The following MDN1 variants were observed in gnomAD, a reference collection of about 807,000 sequenced individuals.
MDN1 encodes midasin AAA ATPase 1, also known as midasin.
MDN1 carries 266 observed loss-of-function variants against 669.2 expected under a neutral mutation model. That is an observed-to-expected ratio of 0.40 (90% CI 0.36 to 0.44). The LOEUF is 0.44. Among genes scored for constraint, MDN1 ranks in the 20% least tolerant of loss-of-function variants. MDN1 has a pLI of 1.00. For synonymous variants in MDN1, 2,385 were observed against 2,457.1 expected (o/e 0.97, Z 0.87); for missense variants, 5,940 against 6,754.0 (o/e 0.88, Z 4.22).
In MDN1 at chr6:89,686,961, C is replaced by T; in HGVS notation, c.11513G>A (p.Trp3838Ter). ...CTCAAGCATCTGATAGATGGAGAAC[C>T]AGTGCTTGGTGGATTTCTCGGTGTG... ...KRHTEKSTKH[W>*]FSIYQMLEKH... The change falls in exon 69 of 102, where the codon TGG becomes TAG. Residue 3838 changes from tryptophan to a stop codon, truncating the protein, a stop_gained. Coordinates refer to ENST00000369393, the MANE Select transcript of MDN1 (RefSeq NM_014611.3). LOFTEE classifies it high-confidence loss of function. The T allele has an allele frequency of 6.2e-7, 1 of 1,613,786 alleles. No individual in the cohort carries two copies.
chr6:89,714,421 A>G, intron 46 of MDN1, 122 bp downstream of exon 46: 1 of 944,124 alleles, frequency 1.1e-6, no homozygotes, highest in Middle Eastern at 3.4e-4. Flanking sequence ...ATTTTTAACA[A>G]GCTTTCCTGA....
chr6:89,735,188 A>G (rs371151788), intron 33 of MDN1, among the ~76,000 whole-genome samples: 31 of 152,002 alleles, frequency 2.0e-4, no homozygotes, highest in African/African-American at 5.5e-4. Context: ...GCACCCGGCC[A>G]ATAGTTTGTT....
chr6:89,707,663 C>T (rs1461185972), intron 51 of MDN1, among the ~76,000 whole-genome samples, 187 bp from the exon 52 acceptor site: 1 of 152,108 alleles, frequency 6.6e-6, no homozygotes, highest in Non-Finnish European at 1.5e-5. Flanking sequence ...AAGGAAAGAT[C>T]GATGGATGGA....
intron 29 of MDN1, 53 bp downstream of exon 29, chr6:89,745,220 T>A (rs1816542079): frequency 1.3e-6 from 2 of 1,570,986 alleles, no homozygotes; most frequent in East Asian, 4.9e-5. Flanking sequence ...ATAACTCAAG[T>A]AATCCTATGG....
At chr6:89,795,347 T>C (rs1584383021) in intron 2 of MDN1, among the ~76,000 whole-genome samples, 1 of 152,168 alleles carries the variant, frequency 6.6e-6, no homozygotes, top group East Asian at 1.9e-4. Flanking sequence ...ACGAGTCAAC[T>C]GAATCTGGGG....
chr6:89,764,367 A>G (rs752875256), intron 15 of MDN1, among the ~76,000 whole-genome samples: 3 of 152,112 alleles, frequency 2.0e-5, no homozygotes, highest in Non-Finnish European at 4.4e-5. Flanking sequence ...GCACTTTGGG[A>G]GGCTAAACAG....
intron 38 of MDN1, 63 bp downstream of exon 38, chr6:89,725,136 C>CATA (rs1335708858): frequency 1.4e-6 from 2 of 1,465,652 alleles, no homozygotes; most frequent in African/African-American, 2.8e-5. Context: ...TTAAAGGCTT[C>CATA]ATAATAGTAG....
At chr6:89,699,235 GA>G (rs1812975342) in intron 58 of MDN1, among the ~76,000 whole-genome samples, 200 bp from the exon 59 acceptor site, 1 of 152,126 alleles carries the variant, frequency 6.6e-6, no homozygotes, top group Admixed American at 6.6e-5. Context: ...CTGTACTAAT[GA>G]AATTCTATTA....
In MDN1 at chr6:89,678,747, T is replaced by A. The variant is rs1297430933; in HGVS notation, c.12266-2A>T. The A allele has an allele frequency of 1.9e-6, 3 of 1,608,410 alleles. No individual in the cohort carries two copies. Among genetic ancestry groups the A allele is most frequent in the Non-Finnish European group, 2.5e-6 (3 of 1,177,282 alleles). ...CACTCACAGAGGAAATCACTTCACC[T>A]GTAAGGGAAAACAAGGCGGGGAGGG... On this transcript the variant is annotated splice_acceptor_variant, in intron 74 of 101. Transcript: ENST00000369393. LOFTEE classifies it high-confidence loss of function.
intron 73 of MDN1, among the ~76,000 whole-genome samples, chr6:89,682,594 G>C (rs968899454): frequency 1.3e-5 from 2 of 151,028 alleles, no homozygotes; most frequent in African/African-American, 4.9e-5. Flanking sequence ...TGCAGTCCCA[G>C]CTACTCGGGA....
chr6:89,662,857 CA>C lies in MDN1; in HGVS notation c.14346del (p.Asp4782GlufsTer72). 2.5e-6 allele frequency: 4 copies of C among 1,614,066 alleles called. No individual in the cohort carries two copies. The highest frequency in any genetic ancestry group is 1.1e-5 in the South Asian group (1 of 91,080). On this transcript the variant is annotated frameshift_variant, in exon 86 of 102. Coordinates refer to ENST00000369393, the MANE Select transcript of MDN1 (RefSeq NM_014611.3). LOFTEE classifies it high-confidence loss of function. ...TCTTCCTCCTCATCTTCCTCCTCAT[CA>C]TCATCACCCCAAAGCCTCTCATCTA... ...DKLDERLWGD[D>X]DEEEDEEEED...
rs779285169 is a variant in MDN1, at chr6:89,796,340, A to AAAAAAAAAAAC, written c.330-1550_330-1540dup. On this transcript the variant is annotated intron_variant, in intron 2 of 101. Transcript: ENST00000369393. ...ACTCTGTCTCAAAAAAAAAAAAAAA[A>AAAAAAAAAAAC]AAAAAAAAAACAAAAAAAAAAACCA... Among the ~76,000 whole-genome samples, 38 of 116,682 alleles carry AAAAAAAAAAAC rather than the reference A, an allele frequency of 3.3e-4. 1 individual carries two copies. Among genetic ancestry groups the AAAAAAAAAAAC allele is most frequent in the East Asian group, 6.9e-4 (3 of 4,376 alleles). 76.5% of individuals were successfully genotyped at this position (116,682 alleles called of 152,430 possible).
chr6:89,714,853 T>C, intron 45 of MDN1, 102 bp from the exon 46 acceptor site: 1 of 905,168 alleles, frequency 1.1e-6, no homozygotes, highest in Middle Eastern at 2.7e-4. Context: ...ATGTGGCTCA[T>C]TGTCACAGAA....
Position 89,743,253 on chromosome 6 carries a change from CAA to C in MDN1, c.4343_4344del (p.Phe1448Ter). On this transcript the variant is annotated frameshift_variant, in exon 31 of 102. Coordinates refer to ENST00000369393, the MANE Select transcript of MDN1 (RefSeq NM_014611.3). LOFTEE classifies it high-confidence loss of function. ...DKEEIDTSRL[F>X]EWHDGPLVQA... ...TGAACCAGAGGCCCATCATGCCACT[CAA>C]AGAGTCTTGATGTGTCAATTTCTTC... is the stretch of plus-strand genomic sequence containing the variant. 2 of 1,614,144 alleles carry C rather than the reference CAA, an allele frequency of 1.2e-6. No homozygotes were observed. Among genetic ancestry groups the C allele is most frequent in the Non-Finnish European group, 8.5e-7 (1 of 1,179,998 alleles).
At position 89,731,942 on chromosome 6, in the gene MDN1, C is replaced by T. The variant is rs190232113; in HGVS notation, c.4942+615G>A. Among the ~76,000 whole-genome samples the T allele has an allele frequency of 1.3e-4, 19 of 150,940 alleles. No homozygotes were observed. In the East Asian group the frequency reaches 2.9e-3, roughly 23 times the overall value. ...AACTAACTTTCTAACTCATTACAAA[C>T]ACCCCTCCCCCTTCCTCTCCACTTT... On this transcript the variant is annotated intron_variant, in intron 34 of 101. Transcript: ENST00000369393.
chr6:89,708,604 G>T lies in MDN1; in HGVS notation c.7790C>A (p.Pro2597His). 6.2e-7 allele frequency: 1 copy of T among 1,613,628 alleles called. No homozygotes were observed. Among genetic ancestry groups the T allele is most frequent in the Non-Finnish European group, 8.5e-7 (1 of 1,179,808 alleles). The change falls in exon 51 of 102, where the codon CCC becomes CAC. Residue 2597 changes from proline to histidine, a missense_variant. Around this residue, in one of 5 missense-constraint regions of MDN1, gnomAD observed 2,292 missense variants for 2,638.3 expected, o/e 0.87. Coordinates refer to ENST00000369393, the MANE Select transcript of MDN1 (RefSeq NM_014611.3). Reference sequence around the variant, plus strand: ...GTCCAGAGCCTGCATATTCCATCGGGGATCCAGAGGGATCACAAATTCATC... The same window carrying T: ...GTCCAGAGCCTGCATATTCCATCGGTGATCCAGAGGGATCACAAATTCATC... The part of the protein sequence containing the change: ...TTDEFVIPLD[P>H]RWNMQALDMI...
At chr6:89,697,362 G>A (rs1008804087) in intron 59 of MDN1, among the ~76,000 whole-genome samples, 19 of 152,284 alleles carry the variant, frequency 1.2e-4, no homozygotes, top group African/African-American at 4.1e-4. Context: ...AACTCGAAGT[G>A]ATGGAGGAAG....
chr6:89,747,211 T>G, intron 27 of MDN1, 118 bp downstream of exon 27: 2 of 1,167,758 alleles, frequency 1.7e-6, no homozygotes, highest in Non-Finnish European at 2.4e-6. Context: ...GGAAACAGGC[T>G]CTCTGGAATA....
At chr6:89,653,824 T>C (rs544519389) in intron 93 of MDN1, among the ~76,000 whole-genome samples, 20 of 152,328 alleles carry the variant, frequency 1.3e-4, no homozygotes, top group African/African-American at 4.6e-4. Context: ...TTTTATATAA[T>C]TGAAAATATC....
Sources: allele counts gnomAD v4.1 joint callset (sites outside exome capture counted in the v4.1 genomes callset), GRCh38; gene constraint gnomAD v4.1.1; regional missense constraint gnomAD v4.1.1; transcripts MANE v1.5; gene names NCBI Gene and HGNC (gene_info 2026-07-23, HGNC 2026-07-21).